The following KLHL1 variants were observed in gnomAD, a reference collection of about 807,000 sequenced individuals.
KLHL1 encodes kelch like family member 1.
KLHL1 carries 47 observed loss-of-function variants against 77.7 expected under a neutral mutation model. That is an observed-to-expected ratio of 0.60 (90% confidence interval 0.48 to 0.77). The LOEUF (loss-of-function observed/expected upper bound fraction) is 0.77. KLHL1 is among the 30% of genes least tolerant of loss of function. KLHL1 has a pLI of 0.00. For synonymous variants in KLHL1, 360 were observed against 325.2 expected, an observed-to-expected ratio of 1.11 and a Z score of -1.15; for missense variants, 925 against 910.8, an observed-to-expected ratio of 1.02 and a Z score of -0.20.
intron 7 of KLHL1, among the ~76,000 whole-genome samples, chr13:69,789,976 G>GAAAC (rs924157276): frequency 6.6e-6 from 1 of 151,812 alleles, no homozygotes; most frequent in African/African-American, 2.4e-5. Context: ...TCTTTCCATA[G>GAAAC]AAACATCTTT....
intron 1 of KLHL1, among the ~76,000 whole-genome samples, chr13:69,976,799 T>C (rs1458287088): frequency 6.6e-6 from 1 of 152,120 alleles, no homozygotes; most frequent in Non-Finnish European, 1.5e-5. Context: ...AATAATTATT[T>C]GCATTCAATA....
intron 5 of KLHL1, among the ~76,000 whole-genome samples, chr13:69,856,677 C>A (rs1478714939): frequency 2.6e-5 from 4 of 152,038 alleles, no homozygotes; most frequent in Non-Finnish European, 5.9e-5. Context: ...ATACTGTAAT[C>A]TTACATAATA....
intron 1 of KLHL1, among the ~76,000 whole-genome samples, chr13:70,097,100 G>A (rs1425952982): frequency 1.3e-5 from 2 of 151,970 alleles, no homozygotes; most frequent in Non-Finnish European, 2.9e-5. Flanking sequence ...CAGTTCTGGG[G>A]TAATTAGCAT....
At chr13:69,965,917 A>G (rs1359823770) in intron 2 of KLHL1, among the ~76,000 whole-genome samples, 1 of 152,200 alleles carries the variant, frequency 6.6e-6, no homozygotes, top group Non-Finnish European at 1.5e-5. Flanking sequence ...ACGAAACTGC[A>G]GAAGAAAAGT....
intron 2 of KLHL1, among the ~76,000 whole-genome samples, chr13:69,973,103 TG>T (rs1884440010): frequency 6.6e-6 from 1 of 151,956 alleles, no homozygotes; most frequent in African/African-American, 2.4e-5. Flanking sequence ...AATATATTAA[TG>T]GGTTATCTGA....
chr13:69,715,727 A>G (rs1876091930), intron 9 of KLHL1, among the ~76,000 whole-genome samples: 1 of 152,088 alleles, frequency 6.6e-6, no homozygotes, highest in African/African-American at 2.4e-5. Context: ...CAGAAAAACA[A>G]TGACAACAAC....
chr13:69,882,388 G>T lies in KLHL1; in HGVS notation c.1122C>A (p.Thr374=). Reference sequence around the variant, plus strand: ...CCCACATCATCAATGCATGGAAGATGGTTTCTTCATCAGGAACATTGACAT... The same window carrying T: ...CCCACATCATCAATGCATGGAAGATTGTTTCTTCATCAGGAACATTGACAT... The part of the protein sequence containing the change: ...SDDVNVPDEE[T]IFHALMMWVK... The change falls in exon 5 of 11, where the codon ACC becomes ACA. Residue 374 remains threonine (T), a synonymous_variant. Coordinates refer to ENST00000377844, the MANE Select transcript of KLHL1 (RefSeq NM_020866.3). 6.2e-7 allele frequency: 1 copy of T among 1,613,352 alleles called. No individual in the cohort carries two copies. The highest frequency in any genetic ancestry group is 8.5e-7 in the Non-Finnish European group (1 of 1,179,388).
intron 4 of KLHL1, among the ~76,000 whole-genome samples, chr13:69,934,748 CA>C (rs1883114989): frequency 6.6e-6 from 1 of 151,796 alleles, no homozygotes; most frequent in Non-Finnish European, 1.5e-5. Context: ...TTTCATTAAA[CA>C]GAACAATTGC....
intron 4 of KLHL1, among the ~76,000 whole-genome samples, chr13:69,898,978 TC>T (rs200948812): frequency 0.011 from 1,619 of 151,930 alleles, 11 homozygotes; most frequent in Middle Eastern, 0.045. Context: ...AGGAATTTGG[TC>T]AGCTGCAATT....
chr13:69,952,688 T>C (rs1883748003), intron 3 of KLHL1, among the ~76,000 whole-genome samples: 1 of 151,340 alleles, frequency 6.6e-6, no homozygotes, highest in African/African-American at 2.4e-5. Context: ...CCTGGTTGGA[T>C]TGCACTTAGC....
intron 3 of KLHL1, among the ~76,000 whole-genome samples, chr13:69,943,582 C>G (rs1438652939): frequency 1.3e-5 from 2 of 151,870 alleles, no homozygotes; most frequent in Non-Finnish European, 1.5e-5. Flanking sequence ...AATACCATAG[C>G]AAGCATGAGC....
chr13:69,771,515 C>T (rs746473856), intron 7 of KLHL1, among the ~76,000 whole-genome samples: 9 of 152,170 alleles, frequency 5.9e-5, no homozygotes. Context: ...GAAGCTTCAA[C>T]TAAGGTCTCT....
chr13:69,782,395 G>A (rs570879633), intron 7 of KLHL1, among the ~76,000 whole-genome samples: 6 of 152,346 alleles, frequency 3.9e-5, no homozygotes, highest in African/African-American at 1.4e-4. Context: ...AAGGGGTCAG[G>A]GAGTTCCCTT....
intron 1 of KLHL1, among the ~76,000 whole-genome samples, chr13:70,063,209 C>T (rs1165219893): frequency 6.6e-6 from 1 of 152,120 alleles, no homozygotes. Context: ...AGGTGAGATG[C>T]ATAAGGCCCT....
chr13:69,942,753 T>G (rs1171315740), intron 3 of KLHL1, among the ~76,000 whole-genome samples: 1 of 152,146 alleles, frequency 6.6e-6, no homozygotes, highest in Non-Finnish European at 1.5e-5. Flanking sequence ...CCCTAAATGC[T>G]TCAGCATCTA....
Position 69,961,307 on chromosome 13 carries a change from C to T in KLHL1, c.817+1G>A, listed in dbSNP as rs753632918. ...ATGATGTTATAATTATTTTGCCATACCTGTATATGCAAATTGGACAAGGTC... is the reference window on the plus strand; with the variant it reads ...ATGATGTTATAATTATTTTGCCATATCTGTATATGCAAATTGGACAAGGTC... On this transcript the variant is annotated splice_donor_variant, in intron 3 of 10. Coordinates refer to ENST00000377844, the MANE Select transcript of KLHL1 (RefSeq NM_020866.3). LOFTEE classifies it high-confidence loss of function. The T allele has an allele frequency of 3.1e-6, 5 of 1,608,768 alleles. No homozygotes were observed. Among genetic ancestry groups the T allele is most frequent in the Non-Finnish European group, 4.2e-6 (5 of 1,176,690 alleles).
chr13:69,914,901 T>G (rs1211528658), intron 4 of KLHL1, among the ~76,000 whole-genome samples: 1 of 152,158 alleles, frequency 6.6e-6, no homozygotes, highest in African/African-American at 2.4e-5. Context: ...TAGGTGTAAA[T>G]GGTACTAACC....
At chr13:69,785,285 T>G (rs1191716765) in intron 7 of KLHL1, among the ~76,000 whole-genome samples, 1 of 152,058 alleles carries the variant, frequency 6.6e-6, no homozygotes, top group South Asian at 2.1e-4. Flanking sequence ...TGTAAAAGAA[T>G]AGAAATTATA....
At chr13:70,029,418 C>T (rs1285528556) in intron 1 of KLHL1, among the ~76,000 whole-genome samples, 1 of 152,126 alleles carries the variant, frequency 6.6e-6, no homozygotes, top group Non-Finnish European at 1.5e-5. Context: ...CAGATGTTAG[C>T]TTCAGCCAGA....
Sources: allele counts gnomAD v4.1 joint callset (sites outside exome capture counted in the v4.1 genomes callset), GRCh38; gene constraint gnomAD v4.1.1; transcripts MANE v1.5; gene names NCBI Gene and HGNC (gene_info 2026-07-23, HGNC 2026-07-21).